Variants in ZNF407 observed in about 807,000 individuals in gnomAD.
ZNF407 encodes zinc finger protein 407.
In ZNF407, 17 loss-of-function variants were observed where a neutral mutation model predicts 131.2. That is an observed-to-expected ratio of 0.13 (90% CI 0.09 to 0.19). The LOEUF (loss-of-function observed/expected upper bound fraction) is 0.19. Among genes scored for constraint, ZNF407 ranks in the 10% least tolerant of loss-of-function variants. The pLI is 1.00. For missense variants in ZNF407, 2,681 were observed against 2,830.6 expected (o/e 0.95, Z 1.20); for synonymous variants, 1,156 against 1,062.0 (o/e 1.09, Z -1.72).
Position 74,942,881 on chromosome 18 carries a change from G to A in ZNF407, c.5428+22189G>A, listed in dbSNP as rs1018854112. Among the ~76,000 whole-genome samples, 48 of 151,882 alleles carry A rather than the reference G, an allele frequency of 3.2e-4. 1 individual carries two copies. The highest frequency in any genetic ancestry group is 9.7e-4 in the African/African-American group (40 of 41,442). Reference sequence around the variant, plus strand: ...AGTGTTAGATCATATTGCAATATCCGTATTATTTTGTTTTATTTATTTATT... The same window carrying A: ...AGTGTTAGATCATATTGCAATATCCATATTATTTTGTTTTATTTATTTATT... On this transcript the variant is annotated intron_variant, in intron 8 of 8. Coordinates refer to ENST00000299687, the MANE Select transcript of ZNF407 (RefSeq NM_017757.3).
rs149394924 is a variant in ZNF407, at chr18:74,624,939, A to G, written c.-53-6028A>G. On this transcript the variant is annotated intron_variant, in intron 1 of 8. Transcript: ENST00000299687. ...TGGGAGTATGATTCCTTGCTCACGT[A>G]TACTCTGTAGATCTTAGTTTGCATT... 3.0e-3 allele frequency among the ~76,000 whole-genome samples: 464 copies of G among 152,320 alleles called. 1 individual carries two copies. The highest frequency in any genetic ancestry group is 9.6e-3 in the African/African-American group (400 of 41,570).
chr18:74,615,811 A>C (rs1983261566), intron 1 of ZNF407, among the ~76,000 whole-genome samples: 1 of 151,908 alleles, frequency 6.6e-6, no homozygotes, highest in Admixed American at 6.6e-5. Flanking sequence ...AAGTAATTGA[A>C]GACTTGTGAT....
intron 8 of ZNF407, among the ~76,000 whole-genome samples, chr18:74,938,618 C>G (rs1421248787): frequency 2.6e-5 from 4 of 152,128 alleles, no homozygotes; most frequent in African/African-American, 9.7e-5. Context: ...CTGAATTTTT[C>G]TGTCCTTTTT....
intron 7 of ZNF407, among the ~76,000 whole-genome samples, chr18:74,910,716 A>G (rs567460547): frequency 7.8e-4 from 119 of 152,236 alleles, no homozygotes; most frequent in African/African-American, 2.7e-3. Context: ...CCACATTTTT[A>G]ATGATTAGAG....
intron 1 of ZNF407, among the ~76,000 whole-genome samples, chr18:74,624,927 C>T (rs1983720609): frequency 6.6e-6 from 1 of 152,210 alleles, no homozygotes; most frequent in Non-Finnish European, 1.5e-5. Context: ...GAGTATGATT[C>T]CTTGCTCACG....
chr18:74,803,923 A>G, intron 4 of ZNF407: 1 of 1,547,390 alleles, frequency 6.5e-7, no homozygotes, highest in Non-Finnish European at 8.7e-7. Context: ...TGCCTTGAAA[A>G]CATGAAGCAA....
At chr18:74,778,720 G>T (rs976525070) in intron 3 of ZNF407, among the ~76,000 whole-genome samples, 1 of 152,090 alleles carries the variant, frequency 6.6e-6, no homozygotes, top group East Asian at 1.9e-4. Flanking sequence ...TAAGCAGCAG[G>T]TTGTCGAGAA....
At chr18:74,749,695 G>A (rs1455597558) in intron 3 of ZNF407, among the ~76,000 whole-genome samples, 1 of 152,102 alleles carries the variant, frequency 6.6e-6, no homozygotes, top group East Asian at 1.9e-4. Context: ...TGGAAGTAAA[G>A]GATAGTTTTT....
intron 7 of ZNF407, among the ~76,000 whole-genome samples, chr18:74,907,371 C>CT (rs1430189403): frequency 6.6e-6 from 1 of 152,184 alleles, no homozygotes; most frequent in Non-Finnish European, 1.5e-5. Context: ...AAGTGTCTGG[C>CT]TCTTACGCTG....
At chr18:74,895,211 G>GT (rs561337093) in intron 7 of ZNF407, among the ~76,000 whole-genome samples, 169 of 144,286 alleles carry the variant, frequency 1.2e-3, no homozygotes, top group South Asian at 2.2e-3. Flanking sequence ...ATCTTAAGAG[G>GT]TTTTTTTTTT....
At chr18:74,668,754 G>C (rs1027613138) in intron 3 of ZNF407, among the ~76,000 whole-genome samples, 2 of 152,038 alleles carry the variant, frequency 1.3e-5, no homozygotes, top group Non-Finnish European at 2.9e-5. Context: ...TTTTCATGTT[G>C]ATTTCTCTGC....
chr18:75,030,924 A>T (rs1280157933), intron 8 of ZNF407, among the ~76,000 whole-genome samples: 2 of 152,174 alleles, frequency 1.3e-5, no homozygotes, highest in Non-Finnish European at 2.9e-5. Flanking sequence ...AGGGCTTTCT[A>T]CACCGAGTCC....
chr18:74,993,975 C>A (rs528760790), intron 8 of ZNF407, among the ~76,000 whole-genome samples: 2 of 152,190 alleles, frequency 1.3e-5, no homozygotes, highest in Admixed American at 6.5e-5. Context: ...TTCACAGACA[C>A]GCCACATAAT....
rs527300088 is a variant in ZNF407 at position 74,802,001 on chromosome 18, A to T, written c.4877+20499A>T. On this transcript the variant is annotated intron_variant, in intron 4 of 8. Transcript: ENST00000299687. ...TTTGTCAGAATTCTTAAAAAAAAAA[A>T]TTTTCCTTTGCTTAAACAAAATAGA... Among the ~76,000 whole-genome samples, 378 of 152,174 alleles carry T rather than the reference A, an allele frequency of 2.5e-3. 3 individuals are homozygous for T. Among genetic ancestry groups the T allele is most frequent in the East Asian group, 3.3e-3 (17 of 5,190 alleles).
In ZNF407 at chr18:74,655,235, T is replaced by C. The variant is rs1306306757; in HGVS notation, c.4802+14113T>C. ...TTTAAGTTGAAACACTGTGAGTCAT[T>C]AACACTTGTGTTGGCTAAGTTTCAT... On this transcript the variant is annotated intron_variant, in intron 3 of 8. Transcript: ENST00000299687. 8.5e-5 allele frequency among the ~76,000 whole-genome samples: 13 copies of C among 152,154 alleles called. No homozygotes were observed. The Middle Eastern group carries it at 0.017, about 199-fold the overall frequency.
At chr18:74,630,839 A>G in intron 1 of ZNF407, 128 bp from the exon 2 acceptor site, 1 of 600,918 alleles carries the variant, frequency 1.7e-6, no homozygotes, top group Non-Finnish European at 2.6e-6. Flanking sequence ...TTAGACATGT[A>G]ATCAAATTCA....
intron 3 of ZNF407, among the ~76,000 whole-genome samples, chr18:74,668,110 A>C (rs1421362167): frequency 6.6e-6 from 1 of 152,096 alleles, no homozygotes; most frequent in Non-Finnish European, 1.5e-5. Flanking sequence ...CCAAAATCGG[A>C]AGGTTTCTGA....
rs548475142 is a variant in ZNF407, at chr18:74,941,266, G to A, written c.5428+20574G>A. Among the ~76,000 whole-genome samples, 3 of 152,312 alleles carry A rather than the reference G, an allele frequency of 2.0e-5. No individual in the cohort carries two copies. The South Asian group carries it at 6.2e-4, about 32-fold the overall frequency. The stretch of plus-strand genomic sequence containing the variant: ...TGCTGATCCAGATGCTGGATTTCTT[G>A]CCCTGTTATTTGAGGGTGTCTGAAG... On this transcript the variant is annotated intron_variant, in intron 8 of 8. Transcript: ENST00000299687.
chr18:75,005,666 C>T (rs2122169382), intron 8 of ZNF407, among the ~76,000 whole-genome samples: 1 of 151,890 alleles, frequency 6.6e-6, no homozygotes, highest in Non-Finnish European at 1.5e-5. Context: ...CTTGTCTCCT[C>T]ACTCTGAAAC....
Sources: allele counts gnomAD v4.1 joint callset (sites outside exome capture counted in the v4.1 genomes callset), GRCh38; gene constraint gnomAD v4.1.1; transcripts MANE v1.5; gene names NCBI Gene and HGNC (gene_info 2026-07-23, HGNC 2026-07-21).